Variants in DOCK9 observed in about 807,000 individuals in gnomAD.
DOCK9 encodes the protein dedicator of cytokinesis protein 9.
In DOCK9, 89 loss-of-function variants were observed where a neutral mutation model predicts 263.3. That is an observed-to-expected ratio of 0.34 (90% CI 0.28 to 0.40). The LOEUF is 0.40. DOCK9 is among the 10% of genes least tolerant of loss of function. DOCK9 has a pLI of 1.00. For synonymous variants in DOCK9, 976 were observed against 973.1 expected, an observed-to-expected ratio of 1.00 and a Z score of -0.06; for missense variants, 2,140 against 2,603.4, an observed-to-expected ratio of 0.82 and a Z score of 3.87.
At chr13:98,979,242 G>GGCGGCGGCA (rs55651915), upstream of DOCK9, among the ~76,000 whole-genome samples, 27,099 of 133,922 alleles carry the variant, frequency 0.2, 2,673 homozygotes, top group Middle Eastern at 0.28. Context: ...CAGCAGCGGC[G>GGCGGCGGCA]GCAGCAGCAG....
upstream of DOCK9, among the ~76,000 whole-genome samples, chr13:98,980,410 G>A (rs148690969): frequency 4.1e-4 from 62 of 152,342 alleles, 2 homozygotes; most frequent in African/African-American, 1.4e-3. Flanking sequence ...CTTGCAGAAC[G>A]TTATACAGAG....
chr13:99,019,438 T>G (rs1885812913), intron 1 of DOCK9, among the ~76,000 whole-genome samples: 4 of 152,194 alleles, frequency 2.6e-5, no homozygotes, highest in Non-Finnish European at 5.9e-5. Flanking sequence ...TGAAGCCTCA[T>G]TCCTCCTTCA....
chr13:98,890,285 G>A (rs2046414316), intron 15 of DOCK9, among the ~76,000 whole-genome samples: 2 of 152,000 alleles, frequency 1.3e-5, no homozygotes, highest in Middle Eastern at 3.4e-3. Context: ...CCCATTTCCA[G>A]ACTGACACTA....
chr13:98,883,073 G>T lies in DOCK9; in HGVS notation c.2528C>A (p.Ala843Asp), dbSNP rs374463236. The T allele has an allele frequency of 2.5e-6, 4 of 1,613,906 alleles. No homozygotes were observed. The highest frequency in any genetic ancestry group is 3.4e-6 in the Non-Finnish European group (4 of 1,179,852). Residue 843 changes from alanine to aspartate, a missense_variant, in exon 23 of 53, where the codon GCC becomes GAC. Coordinates refer to ENST00000682017, the MANE Select transcript of DOCK9 (RefSeq NM_001366683.2). The stretch of plus-strand genomic sequence containing the variant: ...GTACTTTACAAGTTCGTTTCCTAAG[G>T]CTTGGGCTCCAGATTCGGTTTTCTG... ...YCQKTESGAQ[A>D]LGNELVKYLK...
chr13:98,860,822 C>T (rs145691369), intron 32 of DOCK9, among the ~76,000 whole-genome samples: 3 of 152,142 alleles, frequency 2.0e-5, no homozygotes, highest in African/African-American at 4.8e-5. Context: ...AGAGCTCGGA[C>T]GCCCAACATT....
At chr13:99,002,163 T>G (rs533064021) in intron 1 of DOCK9, among the ~76,000 whole-genome samples, 3 of 152,314 alleles carry the variant, frequency 2.0e-5, no homozygotes, top group South Asian at 2.1e-4. Context: ...TTCTCTAGTT[T>G]GACCCTTTCC....
intron 1 of DOCK9, among the ~76,000 whole-genome samples, chr13:99,009,703 G>A (rs1392628793): frequency 6.6e-6 from 1 of 151,756 alleles, no homozygotes; most frequent in African/African-American, 2.4e-5. Flanking sequence ...ACACAAGCAG[G>A]ATGGGGGCTT....
intron 1 of DOCK9, among the ~76,000 whole-genome samples, chr13:99,028,658 A>C (rs1442023322): frequency 6.6e-6 from 1 of 152,190 alleles, no homozygotes; most frequent in Non-Finnish European, 1.5e-5. Context: ...GGATAACACA[A>C]CATTCAAGCA....
chr13:98,809,281 T>A (rs1415120712), intron 47 of DOCK9, 71 bp downstream of exon 47: 1 of 520,690 alleles, frequency 1.9e-6, no homozygotes, highest in African/African-American at 1.9e-5. Flanking sequence ...TATTATAGTT[T>A]TTTTTTTGTT....
At chr13:98,878,054 G>C (rs2044148827) in intron 27 of DOCK9, among the ~76,000 whole-genome samples, 1 of 152,142 alleles carries the variant, frequency 6.6e-6, no homozygotes, top group South Asian at 2.1e-4. Context: ...GTAATGTGAA[G>C]TCATTAAGGT....
chr13:98,808,658 G>C, intron 47 of DOCK9: 1 of 1,589,340 alleles, frequency 6.3e-7, no homozygotes, highest in Non-Finnish European at 8.6e-7. Flanking sequence ...CTGTTTCACT[G>C]TCTGTAAACT....
intron 1 of DOCK9, chr13:99,015,483 T>C: frequency 6.3e-7 from 1 of 1,597,356 alleles, no homozygotes; most frequent in Non-Finnish European, 8.5e-7. Context: ...AATCTTCTTT[T>C]GTCCAATTGT....
intron 45 of DOCK9, among the ~76,000 whole-genome samples, chr13:98,814,958 A>C (rs56011733): frequency 0.22 from 16,213 of 72,908 alleles, 1,416 homozygotes; most frequent in East Asian, 0.53. Context: ...AATAAAATAA[A>C]ATAAAATAAA....
chr13:98,851,943 G>A (rs921710216), intron 35 of DOCK9, among the ~76,000 whole-genome samples: 9 of 152,264 alleles, frequency 5.9e-5, no homozygotes, highest in African/African-American at 2.2e-4. Flanking sequence ...GAAGAAAATT[G>A]AGAGAAAAAT....
rs756783444 is a variant in DOCK9, at chr13:98,930,124, G to C, written c.333+44C>G. On this transcript the variant is annotated intron_variant, in intron 3 of 52. Transcript: ENST00000682017. Reference sequence around the variant, plus strand: ...TTTAAAGAAAAGGAGGCAGTTAGGGGAAAATGACTTCAAAATGTAAATTAA... The same window carrying C: ...TTTAAAGAAAAGGAGGCAGTTAGGGCAAAATGACTTCAAAATGTAAATTAA... 25 of 1,544,802 alleles carry C rather than the reference G, an allele frequency of 1.6e-5. No individual in the cohort carries two copies. In the East Asian group the frequency reaches 5.1e-4, roughly 32 times the overall value.
At chr13:98,903,171 T>C in intron 10 of DOCK9, 59 bp from the exon 11 acceptor site, 2 of 1,297,644 alleles carry the variant, frequency 1.5e-6, no homozygotes, top group East Asian at 2.6e-5. Context: ...AAAAACATCA[T>C]AAATGCATCC....
At chr13:98,821,755 G>A (rs1338425960) in intron 45 of DOCK9, among the ~76,000 whole-genome samples, 1 of 152,188 alleles carries the variant, frequency 6.6e-6, no homozygotes, top group Non-Finnish European at 1.5e-5. Flanking sequence ...TGGAATTGGT[G>A]CCAATAAAAA....
intron 2 of DOCK9, chr13:98,950,521 T>C (rs2057286136): frequency 2.6e-6 from 1 of 385,270 alleles, no homozygotes; most frequent in Non-Finnish European, 4.6e-6. Flanking sequence ...CAGGGTGGTC[T>C]TGAACTTCTA....
At chr13:98,936,119 C>T (rs1439109255) in intron 2 of DOCK9, among the ~76,000 whole-genome samples, 6 of 152,178 alleles carry the variant, frequency 3.9e-5, no homozygotes, top group Non-Finnish European at 7.4e-5. Flanking sequence ...GCCTGAAACA[C>T]TCTGGGTGAC....
Sources: gnomAD v4.1 joint callset for allele counts (sites outside exome capture counted in the v4.1 genomes callset) on GRCh38, gnomAD v4.1.1 for gene constraint, MANE v1.5 for transcripts, NCBI Gene and HGNC (gene_info 2026-07-23, HGNC 2026-07-21) for gene names.